Variants in BSN observed in about 807,000 individuals in gnomAD.
BSN encodes protein bassoon.
BSN carries 57 observed loss-of-function variants against 264.8 expected under a neutral mutation model. The ratio of observed to expected loss-of-function variants is 0.22; its 90% CI spans 0.17 to 0.27. The LOEUF (loss-of-function observed/expected upper bound fraction) is 0.27, where lower values mean the gene tolerates loss of function less well. Ranked by LOEUF, BSN falls within the 10% of genes least tolerant of loss-of-function variation. The pLI is 1.00. For synonymous variants in BSN, 2,059 were observed against 2,137.3 expected (o/e 0.96, Z 1.01); for missense variants, 4,615 against 5,232.5 (o/e 0.88, Z 3.64).
chr3:49,565,034 G>A (rs2051741747), intron 1 of BSN, among the ~76,000 whole-genome samples: 2 of 150,222 alleles, frequency 1.3e-5, no homozygotes, highest in Non-Finnish European at 3.0e-5. Flanking sequence ...AAGGATGGTA[G>A]GCTGAAGTCT....
At chr3:49,659,247 AGGCT>A (rs2052634361) in intron 5 of BSN, among the ~76,000 whole-genome samples, 1 of 152,068 alleles carries the variant, frequency 6.6e-6, no homozygotes, top group African/African-American at 2.4e-5. Flanking sequence ...TCAGGACTCT[AGGCT>A]GGCAGGGAGG....
chr3:49,653,216 C>T lies in BSN; in HGVS notation c.3660C>T (p.Gly1220=), dbSNP rs952878571. Residue 1220 remains glycine (G), a synonymous_variant, in exon 5 of 12, where the codon GGC becomes GGT. Coordinates refer to ENST00000296452, the MANE Select transcript of BSN (RefSeq NM_003458.4). This position sits in a 1 kb window ranked among gnomAD's most constrained non-coding sequence, Gnocchi z 6.3. Reference sequence around the variant, plus strand: ...ATGGCGGCCCCTCTCAGCCCACAGGCCCCCGGGGCCTGGGCTCCTTCGAAT... The same window carrying T: ...ATGGCGGCCCCTCTCAGCCCACAGGTCCCCGGGGCCTGGGCTCCTTCGAAT... ...GPHGGPSQPT[G]PRGLGSFEYQ... 6.2e-7 allele frequency: 1 copy of T among 1,611,110 alleles called. No homozygotes were observed. Among genetic ancestry groups the T allele is most frequent in the Non-Finnish European group, 8.5e-7 (1 of 1,179,474 alleles).
chr3:49,606,551 C>T (rs1483186716), intron 1 of BSN, among the ~76,000 whole-genome samples: 2 of 151,590 alleles, frequency 1.3e-5, no homozygotes, highest in East Asian at 1.9e-4. Context: ...TTGCTCACTA[C>T]GAGGTAGCCA....
rs1044467697 is a variant in BSN, at chr3:49,669,046, C to A, written c.*1561C>A. ...CATGTTTGACCTGTGGCAGGACTCG[C>A]TGCTGCCAGGTGAGTCACCGCCTGT... On this transcript the variant is annotated 3_prime_UTR_variant, in exon 12 of 12. Transcript: ENST00000296452. 2.0e-5 allele frequency: 3 copies of A among 151,724 alleles called. No homozygotes were observed. The highest frequency in any genetic ancestry group is 7.3e-5 in the African/African-American group (3 of 41,142). 9.4% of individuals were successfully genotyped at this position (151,724 alleles called of 1,614,324 possible). A position where few individuals can be genotyped will look rare whatever the true frequency, so the allele number is the denominator to read the frequency against.
intron 1 of BSN, among the ~76,000 whole-genome samples, chr3:49,606,062 T>G (rs1575435666): frequency 1.1e-5 from 1 of 90,130 alleles, no homozygotes; most frequent in East Asian, 3.3e-4. Context: ...TAATTATAAA[T>G]ATATTATATA....
At chr3:49,672,891 T>C (rs1359802972), downstream of BSN, among the ~76,000 whole-genome samples, 8 of 150,550 alleles carry the variant, frequency 5.3e-5, no homozygotes, top group East Asian at 1.6e-3. Context: ...ACCATTCTCC[T>C]GCCTCAGCCT....
chr3:49,604,194 G>A lies in BSN; in HGVS notation c.225-20781G>A, dbSNP rs2052093448. On this transcript the variant is annotated intron_variant, in intron 1 of 11. Transcript: ENST00000296452. ...CTGCCTCAGCCTCCTGAGTAGCTGG[G>A]ACTACAGGTACATGCCACTGTGCCC... is the stretch of plus-strand genomic sequence containing the variant. Among the ~76,000 whole-genome samples, 4 of 152,158 alleles carry A rather than the reference G, an allele frequency of 2.6e-5. No individual in the cohort carries two copies. The South Asian group carries it at 8.3e-4, about 32-fold the overall frequency.
chr3:49,611,969 C>T (rs1312920696), intron 1 of BSN, among the ~76,000 whole-genome samples: 1 of 152,124 alleles, frequency 6.6e-6, no homozygotes, highest in Non-Finnish European at 1.5e-5. Context: ...GTCCTAGCTC[C>T]CCTAGGAATT....
chr3:49,646,425 C>T (rs552309755), intron 3 of BSN, among the ~76,000 whole-genome samples: 4 of 152,308 alleles, frequency 2.6e-5, no homozygotes, highest in South Asian at 2.1e-4. Flanking sequence ...CTTGAGAAGT[C>T]GGGCCTCCCT....
chr3:49,571,091 G>T (rs563896133), intron 1 of BSN, among the ~76,000 whole-genome samples: 2 of 152,164 alleles, frequency 1.3e-5, no homozygotes, highest in African/African-American at 2.4e-5. Context: ...TTCAGATAGC[G>T]ACAGGCATTG....
intron 3 of BSN, among the ~76,000 whole-genome samples, chr3:49,647,636 G>A (rs752193854): frequency 6.6e-6 from 1 of 152,202 alleles, no homozygotes; most frequent in South Asian, 2.1e-4. Flanking sequence ...GAATGGAAAC[G>A]AGCGGAAGAA....
At chr3:49,648,454 C>T (rs1411043680) in intron 3 of BSN, among the ~76,000 whole-genome samples, 1 of 152,196 alleles carries the variant, frequency 6.6e-6, no homozygotes, top group Non-Finnish European at 1.5e-5. Context: ...ATTTCCAGAG[C>T]TCTCTCTCTT....
At position 49,624,980 on chromosome 3, in the gene BSN, C is replaced by T. The variant is rs756887221; in HGVS notation, c.230C>T (p.Ser77Phe). The stretch of plus-strand genomic sequence containing the variant: ...CATTTTCAATGTCATTTCAGCACTT[C>T]CCGGAGACTGGACCCCAAGGAACCC... Reference protein sequence around the residue: ...PGPGPGPGSTSRRLDPKEPLG... With the variant: ...PGPGPGPGSTFRRLDPKEPLG... Residue 77 changes from serine to phenylalanine, a missense_variant, in exon 2 of 12, where the codon TCC (serine) becomes TTC (phenylalanine). Physicochemically the swap from Ser to Phe is radical, Grantham distance 155. This residue lies in a region of BSN where 1,197 missense variants were observed against 1,348.0 expected (regional missense o/e 0.89). Transcript: ENST00000296452. 150 of 1,514,454 alleles carry T rather than the reference C, an allele frequency of 9.9e-5. No homozygotes were observed. The Middle Eastern group carries it at 4.3e-3, about 43-fold the overall frequency. The allele number at this position is 1,514,454 out of a possible 1,614,324, so 93.8% of individuals were successfully genotyped here. A position where few individuals can be genotyped will look rare whatever the true frequency, so the allele number is the denominator to read the frequency against.
rs149561031 is a variant in BSN, at chr3:49,589,211, C to T, written c.224+34385C>T. Among the ~76,000 whole-genome samples the T allele has an allele frequency of 1.9e-3, 283 of 150,114 alleles. 4 individuals carry two copies. Among genetic ancestry groups the T allele is most frequent in the East Asian group, 6.0e-3 (30 of 4,994 alleles). ...ACAGGCGTGAGCCACCGCGCCCGGC[C>T]GGGTGGAGTGTTTTTTAAATACCCG... On this transcript the variant is annotated intron_variant, in intron 1 of 11. Transcript: ENST00000296452.
Position 49,661,431 on chromosome 3 carries a change from G to A in BSN, c.9586G>A (p.Glu3196Lys), listed in dbSNP as rs1374544967. Residue 3196 changes from glutamate (E) to lysine (K), a missense_variant, in exon 6 of 12, where the codon GAG (glutamate) becomes AAG (lysine). This residue lies in a region of BSN where 3,415 missense variants were observed against 3,866.4 expected (regional missense o/e 0.88). Transcript: ENST00000296452. ...SSGYEQGKVP[E>K]VPRAGDRGSV... ...CGGCTATGAGCAGGGCAAGGTCCCTGAGGTGCCCCGGGCTGGTGACCGTGG... is the reference window on the plus strand; with the variant it reads ...CGGCTATGAGCAGGGCAAGGTCCCTAAGGTGCCCCGGGCTGGTGACCGTGG... 6.2e-7 allele frequency: 1 copy of A among 1,613,910 alleles called. No individual in the cohort carries two copies.
At position 49,654,032 on chromosome 3, in the gene BSN, C is replaced by T. The variant is rs778830327; in HGVS notation, c.4476C>T (p.Ser1492=). The change falls in exon 5 of 12, where the codon TCC becomes TCT. Residue 1492 remains serine (S), a synonymous_variant. Coordinates refer to ENST00000296452, the MANE Select transcript of BSN (RefSeq NM_003458.4). This position sits in a 1 kb window ranked among gnomAD's most constrained non-coding sequence, Gnocchi z 4.1. ...CCCCCTCAGAGAGTCCCACATTCTCCCCTGGCAAGATGGGCCCAAGGGCCA... is the reference window on the plus strand; with the variant it reads ...CCCCCTCAGAGAGTCCCACATTCTCTCCTGGCAAGATGGGCCCAAGGGCCA... ...PSSPSESPTF[S]PGKMGPRATA... 1.9e-6 allele frequency: 3 copies of T among 1,613,896 alleles called. No individual in the cohort carries two copies. The highest frequency in any genetic ancestry group is 2.2e-5 in the South Asian group (2 of 91,078).
At chr3:49,612,166 C>T (rs765744311) in intron 1 of BSN, among the ~76,000 whole-genome samples, 69 of 148,824 alleles carry the variant, frequency 4.6e-4, no homozygotes, top group Non-Finnish European at 6.8e-4. Flanking sequence ...GACAGAGTCT[C>T]GTTCTGTTGC....
At chr3:49,621,342 C>T (rs1029624335) in intron 1 of BSN, among the ~76,000 whole-genome samples, 6 of 152,058 alleles carry the variant, frequency 3.9e-5, no homozygotes, top group African/African-American at 9.7e-5. Flanking sequence ...CACAGAAGCA[C>T]GTTTGTGTAA....
At position 49,656,322 on chromosome 3, in the gene BSN, A is replaced by C; in HGVS notation, c.6766A>C (p.Thr2256Pro). The change falls in exon 5 of 12, where the codon ACA becomes CCA. Residue 2256 changes from threonine to proline, a missense_variant. Thr to Pro is a conservative substitution (Grantham distance 38). Around this residue, in one of 3 missense-constraint regions of BSN, gnomAD observed 3,415 missense variants for 3,866.4 expected, o/e 0.88. Coordinates refer to ENST00000296452, the MANE Select transcript of BSN (RefSeq NM_003458.4). ...TGCCCCCCGGGTACCTCTTGGACCC[A>C]CAGGGCTGTACCGCTATCCTGCACC... Reference protein sequence around the residue: ...MIAPRVPLGPTGLYRYPAPSR... With the variant: ...MIAPRVPLGPPGLYRYPAPSR... 6.2e-7 allele frequency: 1 copy of C among 1,612,866 alleles called. No individual in the cohort carries two copies. The highest frequency in any genetic ancestry group is 8.5e-7 in the Non-Finnish European group (1 of 1,179,760).
Sources: allele counts gnomAD v4.1 joint callset (sites outside exome capture counted in the v4.1 genomes callset), GRCh38; gene constraint gnomAD v4.1.1; regional missense constraint gnomAD v4.1.1; non-coding constraint Gnocchi (gnomAD v3.1); transcripts MANE v1.5; gene names NCBI Gene and HGNC (gene_info 2026-07-23, HGNC 2026-07-21).